MEGF6: variants seen among roughly 807,000 people sequenced by gnomAD.
MEGF6 encodes multiple EGF like domains 6, also known as multiple epidermal growth factor-like domains protein 6.
A neutral mutation model predicts 207.1 loss-of-function variants in MEGF6; 184 were observed. That is an observed-to-expected ratio of 0.89 (90% CI 0.79 to 1.00). The LOEUF (loss-of-function observed/expected upper bound fraction) is 1.00, where lower values mean the gene tolerates loss of function less well. MEGF6 is among the 50% of genes least tolerant of loss of function. The probability of loss-of-function intolerance (pLI) is 0.00; values close to 1 mark genes in which losing one functional copy is unlikely to be tolerated. For missense variants in MEGF6, 2,282 were observed against 2,202.9 expected, an observed-to-expected ratio of 1.04 and a Z score of -0.72; for synonymous variants, 1,038 against 910.0, an observed-to-expected ratio of 1.14 and a Z score of -2.53.
intron 4 of MEGF6, among the ~76,000 whole-genome samples, chr1:3,553,487 G>A (rs1311704365): frequency 6.6e-6 from 1 of 152,130 alleles, no homozygotes; most frequent in Non-Finnish European, 1.5e-5. Flanking sequence ...CTGGAGCCAC[G>A]GGAGAGAGGC....
the MEGF6 span, among the ~76,000 whole-genome samples, chr1:3,621,888 G>C: frequency 1.3e-5 from 2 of 152,178 alleles, no homozygotes; most frequent in Non-Finnish European, 2.9e-5. Context: ...GACTTGCATG[G>C]GGCTTTTAGC....
In MEGF6 at chr1:3,490,902, C is replaced by T; in HGVS notation, c.4564+10G>A. ...CTGGCAAGCCCACGGGCATTCCCCA[C>T]ACCCCTTACCTGAGCCCTGGGCTAA... On this transcript the variant is annotated intron_variant, in intron 36 of 36. Coordinates refer to ENST00000356575, the MANE Select transcript of MEGF6 (RefSeq NM_001409.4). 6.3e-7 allele frequency: 1 copy of T among 1,584,426 alleles called. No homozygotes were observed. Among genetic ancestry groups the T allele is most frequent in the Non-Finnish European group, 8.6e-7 (1 of 1,164,928 alleles).
At position 3,492,546 on chromosome 1, in the gene MEGF6, G is replaced by T; in HGVS notation, c.4516+93C>A. On this transcript the variant is annotated intron_variant, in intron 35 of 36. Coordinates refer to ENST00000356575, the MANE Select transcript of MEGF6 (RefSeq NM_001409.4). ...GCCATAGGGTGACCCGGCCAACTCC[G>T]CAGTGGGTGAGAGAGGGATCCTCTG... 5.1e-6 allele frequency: 8 copies of T among 1,553,844 alleles called. No homozygotes were observed. The South Asian group carries it at 8.1e-5, about 16-fold the overall frequency.
At chr1:3,505,688 CT>C (rs1457024893) in intron 15 of MEGF6, 132 bp from the exon 16 acceptor site, 3 of 1,224,458 alleles carry the variant, frequency 2.5e-6, no homozygotes, top group Non-Finnish European at 3.3e-6. Flanking sequence ...ACCTCTCCCC[CT>C]GCAGCCCACC....
At chr1:3,551,821 C>T (rs1211393304) in intron 4 of MEGF6, among the ~76,000 whole-genome samples, 2 of 152,186 alleles carry the variant, frequency 1.3e-5, no homozygotes, top group Admixed American at 1.3e-4. Context: ...AGGTGATCAC[C>T]CTGCCCGAGG....
chr1:3,521,972 G>A lies in MEGF6; in HGVS notation c.604+2152C>T, dbSNP rs947489396. Among the ~76,000 whole-genome samples the A allele has an allele frequency of 7.9e-5, 12 of 152,180 alleles. No homozygotes were observed. In the South Asian group the frequency reaches 2.1e-3, roughly 26 times the overall value. On this transcript the variant is annotated intron_variant, in intron 5 of 36. Transcript: ENST00000356575. ...CACCAGGGACTTCAGGGAGAGGAAGGCATTTCTCCAACTCAACTAGCCAAA... is the reference window on the plus strand; with the variant it reads ...CACCAGGGACTTCAGGGAGAGGAAGACATTTCTCCAACTCAACTAGCCAAA...
chr1:3,531,477 C>G, intron 4 of MEGF6: 2 of 1,078,468 alleles, frequency 1.9e-6, no homozygotes, highest in Non-Finnish European at 2.2e-6. Flanking sequence ...CAGGTAAAGG[C>G]CAAGTCCGCA....
At chr1:3,525,866 C>T (rs1184631818) in intron 4 of MEGF6, among the ~76,000 whole-genome samples, 1 of 152,226 alleles carries the variant, frequency 6.6e-6, no homozygotes, top group Non-Finnish European at 1.5e-5. Context: ...AGGCCCCCCT[C>T]GCCAAGCTGG....
upstream of MEGF6, among the ~76,000 whole-genome samples, chr1:3,616,343 T>C (rs1241684879): frequency 6.6e-6 from 1 of 152,190 alleles, no homozygotes; most frequent in Non-Finnish European, 1.5e-5. Context: ...GCAAAGTCAT[T>C]GATGCTAAAG....
upstream of MEGF6, among the ~76,000 whole-genome samples, chr1:3,614,402 G>C (rs140908164): frequency 4.4e-3 from 663 of 152,372 alleles, 2 homozygotes; most frequent in African/African-American, 0.016. Flanking sequence ...AGCCTGGCGT[G>C]TGTGTTTAAT....
chr1:3,564,132 T>C (rs1643280516), intron 4 of MEGF6, among the ~76,000 whole-genome samples: 1 of 122,320 alleles, frequency 8.2e-6, no homozygotes, highest in Non-Finnish European at 1.6e-5. Context: ...TTACAGACTA[T>C]GGCAGGGCTT....
chr1:3,584,699 G>A (rs758772569), intron 3 of MEGF6, among the ~76,000 whole-genome samples: 16 of 152,228 alleles, frequency 1.1e-4, no homozygotes, highest in Non-Finnish European at 1.9e-4. Context: ...GGACGGAGCC[G>A]AGGATCAGGG....
intron 3 of MEGF6, among the ~76,000 whole-genome samples, chr1:3,585,975 T>A (rs62653680): frequency 1.0e-4 from 9 of 87,718 alleles, no homozygotes; most frequent in African/African-American, 6.0e-4. Context: ...TGTGGGTGTG[T>A]GGACGCATGT....
chr1:3,491,227 T>A (rs1355568630), intron 35 of MEGF6, among the ~76,000 whole-genome samples: 1 of 151,630 alleles, frequency 6.6e-6, no homozygotes, highest in Non-Finnish European at 1.5e-5. Flanking sequence ...CCAAGCCAAG[T>A]CCACTCCAGG....
intron 4 of MEGF6, 139 bp downstream of exon 4, chr1:3,579,686 T>C (rs185371843): frequency 0.01 from 5,540 of 545,450 alleles, 221 homozygotes; most frequent in African/African-American, 0.095. Flanking sequence ...GATTGCGGAA[T>C]GTCCTCAGAA....
chr1:3,502,199 T>C (rs1234860573), intron 17 of MEGF6, among the ~76,000 whole-genome samples: 2 of 132,864 alleles, frequency 1.5e-5, no homozygotes, highest in Non-Finnish European at 3.3e-5. Context: ...AAGGGAGGAG[T>C]GAAAGGGGAG....
At chr1:3,586,126 T>G (rs552298458) in intron 3 of MEGF6, among the ~76,000 whole-genome samples, 1 of 147,610 alleles carries the variant, frequency 6.8e-6, no homozygotes, top group East Asian at 2.0e-4. Flanking sequence ...GTCCTGTGTG[T>G]GGGTGTGACA....
Position 3,497,056 on chromosome 1 carries a change from G to A in MEGF6, c.3545C>T (p.Pro1182Leu), listed in dbSNP as rs867794997. 23 of 1,558,414 alleles carry A rather than the reference G, an allele frequency of 1.5e-5. No homozygotes were observed. The highest frequency in any genetic ancestry group is 2.4e-5 in the East Asian group (1 of 41,712). Residue 1182 changes from proline (P) to leucine (L), a missense_variant, in exon 28 of 37, where the codon CCG becomes CTG. Physicochemically the swap from Pro to Leu is moderately conservative, Grantham distance 98. Coordinates refer to ENST00000356575, the MANE Select transcript of MEGF6 (RefSeq NM_001409.4). ...GGTCCCGGTGGCAGGGTGGCAGGCC[G>A]GGTTCTCACCGGGACACTGGCACAT... ...AQMCQCPGEN[P>L]ACHPATGTCS...
At chr1:3,611,860 A>T (rs1644332583), upstream of MEGF6, among the ~76,000 whole-genome samples, 1 of 151,360 alleles carries the variant, frequency 6.6e-6, no homozygotes. Flanking sequence ...AACCGACTCC[A>T]GTGACCAATC....
Sources: allele counts gnomAD v4.1 joint callset (sites outside exome capture counted in the v4.1 genomes callset), GRCh38; gene constraint gnomAD v4.1.1; transcripts MANE v1.5; gene names NCBI Gene and HGNC (gene_info 2026-07-23, HGNC 2026-07-21).